The following DLG4 variants were observed in gnomAD, a reference collection of about 807,000 sequenced individuals.
The protein encoded by DLG4 is discs large MAGUK scaffold protein 4.
Under a neutral mutation model 93.8 loss-of-function variants are expected in DLG4, and 7 were observed. The observed-to-expected ratio is 0.07, with a 90% CI of 0.04 to 0.14. The LOEUF is 0.14. Ranked by LOEUF, DLG4 falls within the 10% of genes least tolerant of loss-of-function variation. The pLI, the probability that DLG4 is intolerant of heterozygous loss-of-function variation, is 1.00. For synonymous variants in DLG4, 341 were observed against 387.6 expected, an observed-to-expected ratio of 0.88 and a Z score of 1.41; for missense variants, 545 against 992.9, an observed-to-expected ratio of 0.55 and a Z score of 6.06.
upstream of DLG4, chr17:7,219,930 A>AGGACGCGGGCGTGCG (rs2142958381): frequency 6.3e-7 from 1 of 1,575,004 alleles, no homozygotes; most frequent in Non-Finnish European, 8.6e-7. Context: ...GTGGGCGTGC[A>AGGACGCGGGCGTGCG]GGACGCCAGA....
At position 7,203,707 on chromosome 17, in the gene DLG4, T is replaced by C. The variant is rs767252131; in HGVS notation, c.320A>G (p.Gln107Arg). 2.2e-5 allele frequency: 36 copies of C among 1,613,834 alleles called. No homozygotes were observed. The highest frequency in any genetic ancestry group is 4.0e-5 in the African/African-American group (3 of 74,920). Residue 107 changes from glutamine (Q) to arginine (R), a missense_variant, in exon 5 of 20, where the codon CAG (glutamine) becomes CGG (arginine). Physicochemically the swap from Gln to Arg is conservative, Grantham distance 43. Coordinates refer to ENST00000399506, the MANE Select transcript of DLG4 (RefSeq NM_001321075.3). The surrounding 1 kb of genome is among the most constrained non-coding windows in gnomAD (Gnocchi z 7.2). ...TKIIPGGAAA[Q>R]DGRLRVNDSI... ...CTCTCCCCACCTGAGGCGGCCATCCTGGGCCGCAGCCCCACCAGGAATGAT... is the reference window on the plus strand; with the variant it reads ...CTCTCCCCACCTGAGGCGGCCATCCCGGGCCGCAGCCCCACCAGGAATGAT...
Position 7,190,457 on chromosome 17 carries a change from A to C in DLG4, c.*251T>G. The C allele has an allele frequency of 2.0e-6, 1 of 511,350 alleles. No homozygotes were observed. The highest frequency in any genetic ancestry group is 3.4e-5 in the East Asian group (1 of 29,636). 31.7% of individuals were successfully genotyped at this position (511,350 alleles called of 1,614,324 possible). The stretch of plus-strand genomic sequence containing the variant: ...GGTGGGGGCGGGGATCCTAAGGAGC[A>C]AGGGCTCGGAACAAGGAGCCCAGCT... On this transcript the variant is annotated 3_prime_UTR_variant, in exon 20 of 20. Transcript: ENST00000399506.
chr17:7,213,254 C>A (rs1484425097), intron 1 of DLG4, among the ~76,000 whole-genome samples: 8 of 151,878 alleles, frequency 5.3e-5, no homozygotes, highest in Non-Finnish European at 1.2e-4. Flanking sequence ...CCCGCCACTA[C>A]GCCCGGCTAA....
At position 7,195,288 on chromosome 17, in the gene DLG4, G is replaced by A. The variant is rs1202804946; in HGVS notation, c.1302-793C>T. Among the ~76,000 whole-genome samples, 1 of 152,164 alleles carries A rather than the reference G, an allele frequency of 6.6e-6. No individual in the cohort carries two copies. Among genetic ancestry groups the A allele is most frequent in the Non-Finnish European group, 1.5e-5 (1 of 68,036 alleles). ...GGAGGAGACCCCGGGCCCCCTGGAA[G>A]TGTGACAACCAGATGACATTCCGCC... On this transcript the variant is annotated intron_variant, in intron 11 of 19. Coordinates refer to ENST00000399506, the MANE Select transcript of DLG4 (RefSeq NM_001321075.3). This position sits in a 1 kb window ranked among gnomAD's most constrained non-coding sequence, Gnocchi z 4.3.
chr17:7,203,593 C>T lies in DLG4; in HGVS notation c.336G>A (p.Arg112=), dbSNP rs1401623301. 6.2e-7 allele frequency: 1 copy of T among 1,610,006 alleles called. No homozygotes were observed. Among genetic ancestry groups the T allele is most frequent in the Non-Finnish European group, 8.5e-7 (1 of 1,176,620 alleles). ...GGAAAQDGRL[R]VNDSILFVNE... ...TTACAAACAGGATGCTGTCGTTGAC[C>T]CTGGGAGCAGCAAGGTGGGCCTGAG... Residue 112 remains arginine (R), a splice_region_variant and synonymous_variant, in exon 6 of 20, where the codon AGG becomes AGA. Transcript: ENST00000399506. The surrounding 1 kb of genome is among the most constrained non-coding windows in gnomAD (Gnocchi z 7.2).
chr17:7,213,624 T>C (rs1425208083), intron 1 of DLG4, among the ~76,000 whole-genome samples: 1 of 152,184 alleles, frequency 6.6e-6, no homozygotes, highest in Non-Finnish European at 1.5e-5. Context: ...TTCAGGTCTC[T>C]TCAGAGATTT....
In DLG4 at chr17:7,187,228, C is replaced by T. The variant is rs1290898486; in HGVS notation, c.*3480G>A. 1.4e-5 allele frequency among the ~76,000 whole-genome samples: 2 copies of T among 143,954 alleles called. No homozygotes were observed. The highest frequency in any genetic ancestry group is 3.0e-5 in the Non-Finnish European group (2 of 66,522). 94.4% of individuals were successfully genotyped at this position (143,954 alleles called of 152,430 possible). A position where few individuals can be genotyped will look rare whatever the true frequency, so the allele number is the denominator to read the frequency against. ...TTTGAATTGTTGTCAGGTACGTGTA[C>T]TGATTATAATTTACAAAATAATGCA... On this transcript the variant is annotated 3_prime_UTR_variant, in exon 20 of 20. Coordinates refer to ENST00000399506, the MANE Select transcript of DLG4 (RefSeq NM_001321075.3).
chr17:7,204,960 G>A (rs2070380360), intron 2 of DLG4: 1 of 985,676 alleles, frequency 1.0e-6, no homozygotes, highest in African/African-American at 1.7e-5. Flanking sequence ...AGGAGGCCCT[G>A]TCGTCAGGAC....
Position 7,196,132 on chromosome 17 carries a change from G to T in DLG4, c.1301+88C>A. ...GTGGGGAGCTAGAGCAGGCAGGGTGGAGAAGAGGAGCGGCTGAGGCCCGGG... is the reference window on the plus strand; with the variant it reads ...GTGGGGAGCTAGAGCAGGCAGGGTGTAGAAGAGGAGCGGCTGAGGCCCGGG... On this transcript the variant is annotated intron_variant, in intron 11 of 19. Transcript: ENST00000399506. This position sits in a 1 kb window ranked among gnomAD's most constrained non-coding sequence, Gnocchi z 8.3. 1 of 967,000 alleles carries T rather than the reference G, an allele frequency of 1.0e-6. No individual in the cohort carries two copies. The highest frequency in any genetic ancestry group is 1.6e-6 in the Non-Finnish European group (1 of 642,956). The allele number at this position is 967,000 out of a possible 1,614,324, so 59.9% of individuals were successfully genotyped here.
In DLG4 at chr17:7,196,148, G is replaced by A; in HGVS notation, c.1301+72C>T. 3 of 1,196,904 alleles carry A rather than the reference G, an allele frequency of 2.5e-6. No individual in the cohort carries two copies. The highest frequency in any genetic ancestry group is 3.6e-6 in the Non-Finnish European group (3 of 838,256). The allele number at this position is 1,196,904 out of a possible 1,614,324, so 74.1% of individuals were successfully genotyped here. ...GGCAGGGTGGAGAAGAGGAGCGGCTGAGGCCCGGGCCAGGCACAGAGTGCC... is the reference window on the plus strand; with the variant it reads ...GGCAGGGTGGAGAAGAGGAGCGGCTAAGGCCCGGGCCAGGCACAGAGTGCC... On this transcript the variant is annotated intron_variant, in intron 11 of 19. Coordinates refer to ENST00000399506, the MANE Select transcript of DLG4 (RefSeq NM_001321075.3). This position sits in a 1 kb window ranked among gnomAD's most constrained non-coding sequence, Gnocchi z 8.3.
intron 1 of DLG4, among the ~76,000 whole-genome samples, chr17:7,209,733 G>A (rs927954145): frequency 9.2e-5 from 14 of 152,232 alleles, no homozygotes; most frequent in African/African-American, 1.7e-4. Flanking sequence ...TCACGCCACC[G>A]CACTCCAGCC....
intron 2 of DLG4, among the ~76,000 whole-genome samples, chr17:7,207,685 C>A (rs2070530407): frequency 6.6e-6 from 1 of 152,000 alleles, no homozygotes; most frequent in African/African-American, 2.4e-5. Flanking sequence ...CACACCTCAA[C>A]ACACACGCAT....
At chr17:7,202,400 AT>A (rs2070188309) in intron 8 of DLG4, among the ~76,000 whole-genome samples, 1 of 152,074 alleles carries the variant, frequency 6.6e-6, no homozygotes, top group Admixed American at 6.6e-5. Context: ...ATATTAAGAG[AT>A]TTCCTAATAT....
In DLG4 at chr17:7,189,127, A is replaced by AAGG. The variant is rs2069372242; in HGVS notation, c.*1580_*1581insCCT. 7.5e-6 allele frequency among the ~76,000 whole-genome samples: 1 copy of AAGG among 132,862 alleles called. No individual in the cohort carries two copies. The highest frequency in any genetic ancestry group is 3.0e-5 in the African/African-American group (1 of 33,098). 87.2% of individuals were successfully genotyped at this position (132,862 alleles called of 152,430 possible). A position where few individuals can be genotyped will look rare whatever the true frequency, so the allele number is the denominator to read the frequency against. The stretch of plus-strand genomic sequence containing the variant: ...ACTCTGTCTCAAAAAAAAAAAAAAA[A>AAGG]GGGTGGGGGGGGCGCATAAAGAAAC... On this transcript the variant is annotated 3_prime_UTR_variant, in exon 20 of 20. Transcript: ENST00000399506.
intron 2 of DLG4, among the ~76,000 whole-genome samples, chr17:7,207,747 GCACACACACAGGCACGCATGCATGCA>G (rs1457981599): frequency 8.7e-5 from 13 of 150,038 alleles, no homozygotes; most frequent in Non-Finnish European, 5.9e-5. Flanking sequence ...CACACACACA[GCACACACACAGGCACGCATGCATGCA>G]CACACGCACA....
chr17:7,199,219 G>A (rs1479064400), intron 8 of DLG4, among the ~76,000 whole-genome samples: 2 of 151,558 alleles, frequency 1.3e-5, no homozygotes, highest in African/African-American at 4.8e-5. Flanking sequence ...ATTTTTTTGG[G>A]ATGGAGTTTC....
intron 8 of DLG4, among the ~76,000 whole-genome samples, chr17:7,197,598 C>T (rs558603362): frequency 6.6e-6 from 1 of 152,192 alleles, no homozygotes; most frequent in South Asian, 2.1e-4. Flanking sequence ...GATTCTCATG[C>T]CTCAGCCTCC....
At chr17:7,219,021 G>A (rs41283401), upstream of DLG4, 19,238 of 687,188 alleles carry the variant, frequency 0.028, 378 homozygotes, top group Middle Eastern at 0.04. Flanking sequence ...CACACACCCT[G>A]GCCCCCTCTT....
At chr17:7,197,569 C>T (rs1313628636) in intron 8 of DLG4, among the ~76,000 whole-genome samples, 1 of 152,148 alleles carries the variant, frequency 6.6e-6, no homozygotes, top group East Asian at 1.9e-4. Context: ...ACTGCAGCCT[C>T]TGCCTCCCAG....
Sources: allele counts gnomAD v4.1 joint callset (sites outside exome capture counted in the v4.1 genomes callset), GRCh38; gene constraint gnomAD v4.1.1; non-coding constraint Gnocchi (gnomAD v3.1); transcripts MANE v1.5; gene names NCBI Gene and HGNC (gene_info 2026-07-23, HGNC 2026-07-21).